ZRANB3: variants seen among roughly 807,000 people sequenced by gnomAD.
The protein encoded by ZRANB3 is zinc finger RANBP2-type containing 3, also known as DNA annealing helicase and endonuclease ZRANB3.
Under a neutral mutation model 133.8 loss-of-function variants are expected in ZRANB3, and 125 were observed. The observed-to-expected ratio is 0.93, with a 90% confidence interval of 0.81 to 1.08. The LOEUF (loss-of-function observed/expected upper bound fraction) is 1.08. ZRANB3 is among the 50% of genes least tolerant of loss of function. The pLI, the probability that ZRANB3 is intolerant of heterozygous loss-of-function variation, is 0.00. For synonymous variants in ZRANB3, 387 were observed against 432.7 expected (o/e 0.89, Z 1.31); for missense variants, 1,229 against 1,275.5 (o/e 0.96, Z 0.56).
chr2:135,348,267 AAAAG>A (rs1685038623), intron 5 of ZRANB3, among the ~76,000 whole-genome samples: 1 of 151,966 alleles, frequency 6.6e-6, no homozygotes, highest in African/African-American at 2.4e-5. Flanking sequence ...TCAAAAAAAA[AAAAG>A]AAAAGAAAAG....
At chr2:135,452,547 G>A (rs1269215392) in intron 2 of ZRANB3, among the ~76,000 whole-genome samples, 2 of 152,192 alleles carry the variant, frequency 1.3e-5, no homozygotes, top group South Asian at 2.1e-4. Flanking sequence ...GTTACGTCCT[G>A]GATACAATGG....
In ZRANB3 at chr2:135,346,071, T is replaced by C. The variant is rs140615213; in HGVS notation, c.592-436A>G. Among the ~76,000 whole-genome samples, 1,069 of 152,290 alleles carry C rather than the reference T, an allele frequency of 7.0e-3. 11 individuals are homozygous for C. The highest frequency in any genetic ancestry group is 0.024 in the African/African-American group (1,001 of 41,580). ...TTAAACAGACTCGTGATATTGGACA[T>C]ATAGGCTATTTCTAGCTTTTGTTTT... On this transcript the variant is annotated intron_variant, in intron 5 of 20. Coordinates refer to ENST00000264159, the MANE Select transcript of ZRANB3 (RefSeq NM_032143.4).
At chr2:135,453,626 C>T (rs772370006) in intron 2 of ZRANB3, among the ~76,000 whole-genome samples, 33 of 152,316 alleles carry the variant, frequency 2.2e-4, no homozygotes, top group Non-Finnish European at 3.2e-4. Context: ...TCAGTCTCTT[C>T]GCTAAAACAT....
chr2:135,388,584 C>T (rs1687083802), intron 3 of ZRANB3, among the ~76,000 whole-genome samples: 1 of 152,028 alleles, frequency 6.6e-6, no homozygotes, highest in African/African-American at 2.4e-5. Flanking sequence ...AGAATTTATA[C>T]ACATGCATAT....
chr2:135,397,577 GCTC>G (rs1396126338), intron 2 of ZRANB3, among the ~76,000 whole-genome samples: 4 of 152,132 alleles, frequency 2.6e-5, no homozygotes, highest in Non-Finnish European at 5.9e-5. Flanking sequence ...TGCTCATGTA[GCTC>G]CTCTTCTTCT....
In ZRANB3 at chr2:135,202,894, C is replaced by T. The variant is rs747084229; in HGVS notation, c.3079G>A (p.Gly1027Arg). Residue 1027 changes from glycine (G) to arginine (R), a missense_variant, in exon 20 of 21, where the codon GGG (glycine) becomes AGG (arginine). Gly to Arg is a moderately radical substitution (Grantham distance 125). Coordinates refer to ENST00000264159, the MANE Select transcript of ZRANB3 (RefSeq NM_032143.4). ...WQVDHIKPVY[G>R]GGGQCSLDNL... ...TCCAGGGAACACTGTCCTCCTCCCC[C>T]ATACACTGGCTTGATGTGATCCACC... is the stretch of plus-strand genomic sequence containing the variant. The T allele has an allele frequency of 1.4e-5, 23 of 1,612,158 alleles. No homozygotes were observed. Among genetic ancestry groups the T allele is most frequent in the Non-Finnish European group, 1.8e-5 (21 of 1,179,110 alleles).
At position 135,512,054 on chromosome 2, in the gene ZRANB3, C is replaced by T. The variant is rs1693488825; in HGVS notation, c.-7-7558G>A. On this transcript the variant is annotated intron_variant, in intron 1 of 20. Coordinates refer to ENST00000264159, the MANE Select transcript of ZRANB3 (RefSeq NM_032143.4). ...ACAGCACTGATGATGGCAGAAACCC[C>T]TCATGCAACTGTGTCCGCACCAGCA... 1.8e-5 allele frequency: 9 copies of T among 510,610 alleles called. No individual in the cohort carries two copies. The East Asian group carries it at 2.8e-4, about 16-fold the overall frequency. 31.6% of individuals were successfully genotyped at this position (510,610 alleles called of 1,614,324 possible).
intron 2 of ZRANB3, among the ~76,000 whole-genome samples, chr2:135,480,912 A>C (rs1314140485): frequency 7.0e-6 from 1 of 142,846 alleles, no homozygotes; most frequent in Non-Finnish European, 1.5e-5. Flanking sequence ...ATGATTTCCA[A>C]TTTCATCCAT....
At chr2:135,285,038 T>C (rs1486662334) in intron 8 of ZRANB3, among the ~76,000 whole-genome samples, 1 of 151,010 alleles carries the variant, frequency 6.6e-6, no homozygotes, top group Non-Finnish European at 1.5e-5. Flanking sequence ...AGAAACGGGG[T>C]TTCTCCATGT....
At chr2:135,518,815 C>T (rs894041448) in intron 1 of ZRANB3, among the ~76,000 whole-genome samples, 16 of 152,140 alleles carry the variant, frequency 1.1e-4, no homozygotes, top group Admixed American at 2.6e-4. Flanking sequence ...CTATTCTATA[C>T]GCTTCCCCTA....
chr2:135,328,348 T>C (rs568534787), intron 6 of ZRANB3, among the ~76,000 whole-genome samples: 1 of 151,960 alleles, frequency 6.6e-6, no homozygotes, highest in African/African-American at 2.4e-5. Context: ...AGTTTGAGAA[T>C]GATGGTTTCC....
At position 135,382,780 on chromosome 2, in the gene ZRANB3, A is replaced by C. The variant is rs375692462; in HGVS notation, c.180+8022T>G. ...AGGAGAAATAAAATCCTTTACAGAC[A>C]AGCAAATGCTGAGAGATTTTGTCAC... On this transcript the variant is annotated intron_variant, in intron 3 of 20. Coordinates refer to ENST00000264159, the MANE Select transcript of ZRANB3 (RefSeq NM_032143.4). Among the ~76,000 whole-genome samples, 5 of 152,204 alleles carry C rather than the reference A, an allele frequency of 3.3e-5. No individual in the cohort carries two copies. In the East Asian group the frequency reaches 9.6e-4, roughly 29 times the overall value.
chr2:135,203,952 A>T (rs182188679), intron 19 of ZRANB3, among the ~76,000 whole-genome samples: 34 of 152,374 alleles, frequency 2.2e-4, no homozygotes, highest in African/African-American at 8.2e-4. Context: ...TACCTGAGGT[A>T]GTAAAACCAA....
At chr2:135,326,898 CAAA>C (rs56683794) in intron 6 of ZRANB3, among the ~76,000 whole-genome samples, 3,033 of 61,222 alleles carry the variant, frequency 0.05, 56 homozygotes, top group African/African-American at 0.12. Context: ...GACTCCATCT[CAAA>C]AAAAAAAAAA....
intron 2 of ZRANB3, among the ~76,000 whole-genome samples, chr2:135,463,612 T>A (rs916282913): frequency 6.6e-6 from 1 of 152,102 alleles, no homozygotes; most frequent in East Asian, 1.9e-4. Flanking sequence ...AGTCGGGGTT[T>A]CGCCATGTTG....
intron 9 of ZRANB3, among the ~76,000 whole-genome samples, chr2:135,272,701 G>T (rs1680590460): frequency 6.6e-6 from 1 of 151,830 alleles, no homozygotes; most frequent in Non-Finnish European, 1.5e-5. Context: ...TTTAATTCTG[G>T]TTTTTCACAT....
At chr2:135,483,331 C>T (rs1243059188) in intron 2 of ZRANB3, among the ~76,000 whole-genome samples, 1 of 152,162 alleles carries the variant, frequency 6.6e-6, no homozygotes, top group Non-Finnish European at 1.5e-5. Context: ...CAACTTCTTC[C>T]TGGTCTAGTC....
intron 2 of ZRANB3, among the ~76,000 whole-genome samples, chr2:135,417,679 T>G (rs1216804979): frequency 6.6e-6 from 1 of 152,158 alleles, no homozygotes; most frequent in Non-Finnish European, 1.5e-5. Context: ...TACTGTGGCA[T>G]TATTCACAAT....
chr2:135,229,703 T>C (rs567316283), intron 13 of ZRANB3, among the ~76,000 whole-genome samples: 9 of 152,244 alleles, frequency 5.9e-5, no homozygotes, highest in African/African-American at 2.2e-4. Context: ...GATGCAAAAT[T>C]AGATGTGTAC....
Sources: allele counts gnomAD v4.1 joint callset (sites outside exome capture counted in the v4.1 genomes callset), GRCh38; gene constraint gnomAD v4.1.1; transcripts MANE v1.5; gene names NCBI Gene and HGNC (gene_info 2026-07-23, HGNC 2026-07-21).